Variants in GRIK1 observed in about 807,000 individuals in gnomAD.
The protein encoded by GRIK1 is glutamate ionotropic receptor kainate type subunit 1, also known as glutamate receptor ionotropic, kainate 1.
GRIK1 carries 69 observed loss-of-function variants against 105.7 expected under a neutral mutation model. That is an observed-to-expected ratio of 0.65 (90% CI 0.54 to 0.80). GRIK1 has a LOEUF of 0.80. Among genes scored for constraint, GRIK1 ranks in the 30% least tolerant of loss-of-function variants. The pLI is 0.00. For missense variants in GRIK1, 1,109 were observed against 1,167.3 expected (o/e 0.95, Z 0.73); for synonymous variants, 438 against 431.3 (o/e 1.02, Z -0.19).
chr21:29,768,733 C>A (rs2065738586), intron 1 of GRIK1, among the ~76,000 whole-genome samples: 1 of 152,150 alleles, frequency 6.6e-6, no homozygotes, highest in African/African-American at 2.4e-5. Flanking sequence ...GAAGAGTTGT[C>A]TATTTCAGTC....
chr21:29,630,826 TTC>T, intron 7 of GRIK1: 1 of 353,634 alleles, frequency 2.8e-6, no homozygotes, highest in Admixed American at 3.9e-5. Flanking sequence ...GGCTCTCTTG[TTC>T]TCTCTCTGTC....
rs1413225964 is a variant in GRIK1, at chr21:29,939,579, C to A, written c.-79G>T. 3.6e-6 allele frequency: 3 copies of A among 825,916 alleles called. No individual in the cohort carries two copies. The highest frequency in any genetic ancestry group is 5.7e-6 in the Non-Finnish European group (3 of 526,160). The allele number at this position is 825,916 out of a possible 1,614,324, so 51.2% of individuals were successfully genotyped here. ...GATGCACCCAACTTGGGCCGGGTCC[C>A]CGCCTCATCCTCTCTGGATGCTCCG... On this transcript the variant is annotated 5_prime_UTR_variant, in exon 1 of 18. Transcript: ENST00000327783.
Position 29,654,880 on chromosome 21 carries a change from AG to A in GRIK1, c.727-18del. Reference sequence around the variant, plus strand: ...GAACAGAATCTGCAAAAGAGAAATAAGGGGAAAGAATCAGGAACAGAATTAT... The same window carrying A: ...GAACAGAATCTGCAAAAGAGAAATAAGGGAAAGAATCAGGAACAGAATTAT... On this transcript the variant is annotated intron_variant, in intron 4 of 17. Transcript: ENST00000327783. 2 of 1,483,092 alleles carry A rather than the reference AG, an allele frequency of 1.3e-6. No homozygotes were observed. The highest frequency in any genetic ancestry group is 1.9e-6 in the Non-Finnish European group (2 of 1,060,632). The allele number at this position is 1,483,092 out of a possible 1,614,324, so 91.9% of individuals were successfully genotyped here.
chr21:29,785,612 T>C (rs903804640), intron 1 of GRIK1, among the ~76,000 whole-genome samples: 2 of 151,838 alleles, frequency 1.3e-5, no homozygotes, highest in African/African-American at 4.8e-5. Flanking sequence ...TACTTCATTT[T>C]TGTTCATATA....
At chr21:29,733,768 G>A (rs1243432922) in intron 1 of GRIK1, among the ~76,000 whole-genome samples, 1 of 151,922 alleles carries the variant, frequency 6.6e-6, no homozygotes, top group Non-Finnish European at 1.5e-5. Context: ...GATTTACAAG[G>A]GGTAAATATT....
chr21:29,796,975 G>A (rs1440988881), intron 1 of GRIK1, among the ~76,000 whole-genome samples: 5 of 147,746 alleles, frequency 3.4e-5, no homozygotes, highest in Non-Finnish European at 1.5e-5. Context: ...ACAAACAACA[G>A]AAAAAAAAAA....
rs540900788 is a variant in GRIK1, at chr21:29,782,307, C to G, written c.119-88244G>C. On this transcript the variant is annotated intron_variant, in intron 1 of 17. Coordinates refer to ENST00000327783, the MANE Select transcript of GRIK1 (RefSeq NM_001330994.2). ...TTCACCGTGTTAGCCAGGATGGTCT[C>G]GATCTCCTGACCTTGTGATCTGCCC... 2.0e-5 allele frequency among the ~76,000 whole-genome samples: 3 copies of G among 152,126 alleles called. No homozygotes were observed. In the South Asian group the frequency reaches 6.2e-4, roughly 32 times the overall value.
At chr21:29,690,939 G>A (rs982020057) in intron 2 of GRIK1, among the ~76,000 whole-genome samples, 2 of 151,926 alleles carry the variant, frequency 1.3e-5, no homozygotes, top group Non-Finnish European at 2.9e-5. Context: ...TTTTTTTCAA[G>A]TCCTTACAAA....
At chr21:29,694,471 A>C (rs2063654331) in intron 1 of GRIK1, among the ~76,000 whole-genome samples, 1 of 152,096 alleles carries the variant, frequency 6.6e-6, no homozygotes, top group Non-Finnish European at 1.5e-5. Flanking sequence ...CCAAATGATA[A>C]ATAGAGTAAT....
chr21:29,542,225 T>C lies in GRIK1; in HGVS notation c.2608-4341A>G, dbSNP rs143210033. On this transcript the variant is annotated intron_variant, in intron 16 of 17. Transcript: ENST00000327783. ...CTGATCCCTCCATGCTTGTGGTGTGTCCCTAAGGACCCCCTTTTCTTTCAT... is the reference window on the plus strand; with the variant it reads ...CTGATCCCTCCATGCTTGTGGTGTGCCCCTAAGGACCCCCTTTTCTTTCAT... Among the ~76,000 whole-genome samples, 1,041 of 152,322 alleles carry C rather than the reference T, an allele frequency of 6.8e-3. 8 individuals are homozygous for C. The highest frequency in any genetic ancestry group is 0.024 in the South Asian group (114 of 4,820).
intron 6 of GRIK1, among the ~76,000 whole-genome samples, chr21:29,644,658 G>A (rs58802770): frequency 0.054 from 8,235 of 152,156 alleles, 289 homozygotes; most frequent in Non-Finnish European, 0.074. Context: ...GAAATTGACC[G>A]GTATAAGGCT....
intron 1 of GRIK1, among the ~76,000 whole-genome samples, chr21:29,801,196 C>T (rs935306723): frequency 1.3e-5 from 2 of 151,796 alleles, no homozygotes; most frequent in Non-Finnish European, 2.9e-5. Context: ...CTACACTGGC[C>T]TCCCATACAC....
chr21:29,876,410 G>T (rs2069193263), intron 1 of GRIK1, among the ~76,000 whole-genome samples: 1 of 151,886 alleles, frequency 6.6e-6, no homozygotes, highest in South Asian at 2.1e-4. Flanking sequence ...GTGTCTCATT[G>T]TCCCAAGTTC....
intron 1 of GRIK1, among the ~76,000 whole-genome samples, chr21:29,824,593 G>A (rs1415885215): frequency 6.6e-6 from 1 of 151,866 alleles, no homozygotes; most frequent in Non-Finnish European, 1.5e-5. Flanking sequence ...CAAAAGGGTG[G>A]GCTTTCTGGG....
intron 1 of GRIK1, among the ~76,000 whole-genome samples, chr21:29,739,043 G>C (rs1289553507): frequency 6.6e-6 from 1 of 152,204 alleles, no homozygotes; most frequent in Non-Finnish European, 1.5e-5. Context: ...TGAGGCAATA[G>C]GGGTACAGGA....
chr21:29,802,553 C>T (rs2066740538), intron 1 of GRIK1, among the ~76,000 whole-genome samples: 1 of 152,146 alleles, frequency 6.6e-6, no homozygotes, highest in South Asian at 2.1e-4. Flanking sequence ...CATCATCCTC[C>T]ATTCTGTCCT....
At chr21:29,582,052 C>T (rs1273414590) in intron 12 of GRIK1, among the ~76,000 whole-genome samples, 1 of 152,070 alleles carries the variant, frequency 6.6e-6, no homozygotes, top group African/African-American at 2.4e-5. Context: ...GGTGGTCTAG[C>T]GATTTTGTAA....
chr21:29,824,743 G>C (rs779361525), intron 1 of GRIK1, among the ~76,000 whole-genome samples: 8 of 152,026 alleles, frequency 5.3e-5, no homozygotes, highest in Non-Finnish European at 8.8e-5. Context: ...GGGACTGCTA[G>C]GTCATGGTAA....
chr21:29,661,039 C>T (rs942379908), intron 4 of GRIK1, among the ~76,000 whole-genome samples: 3 of 152,162 alleles, frequency 2.0e-5, no homozygotes, highest in Admixed American at 1.3e-4. Flanking sequence ...TCCTCTGAGC[C>T]AGATGCCTCT....
Sources: allele counts gnomAD v4.1 joint callset (sites outside exome capture counted in the v4.1 genomes callset), GRCh38; gene constraint gnomAD v4.1.1; transcripts MANE v1.5; gene names NCBI Gene and HGNC (gene_info 2026-07-23, HGNC 2026-07-21).